The following GALNTL6 variants were observed in gnomAD, a reference collection of about 807,000 sequenced individuals.
GALNTL6 encodes polypeptide N-acetylgalactosaminyltransferase-like 6.
In GALNTL6, 46 loss-of-function variants were observed where a neutral mutation model predicts 73.7. That is an observed-to-expected ratio of 0.62 (90% CI 0.49 to 0.80). The LOEUF (loss-of-function observed/expected upper bound fraction) is 0.80. Ranked by LOEUF, GALNTL6 falls within the 30% of genes least tolerant of loss-of-function variation. The pLI, the probability that GALNTL6 is intolerant of heterozygous loss-of-function variation, is 0.00. For missense variants in GALNTL6, 604 were observed against 755.0 expected (o/e 0.80, Z 2.34); for synonymous variants, 259 against 263.7 (o/e 0.98, Z 0.17).
intron 2 of GALNTL6, among the ~76,000 whole-genome samples, chr4:172,194,415 A>G (rs1051620745): frequency 6.6e-6 from 1 of 152,334 alleles, no homozygotes; most frequent in South Asian, 2.1e-4. Flanking sequence ...CTCACCTAGC[A>G]TAACAGGACA....
intron 2 of GALNTL6, among the ~76,000 whole-genome samples, chr4:172,038,690 C>A (rs1257429731): frequency 6.6e-6 from 1 of 152,170 alleles, no homozygotes; most frequent in African/African-American, 2.4e-5. Flanking sequence ...ATTCAATTCA[C>A]AAACAGTCAG....
chr4:172,599,774 AAAGT>A, intron 5 of GALNTL6, among the ~76,000 whole-genome samples: 1 of 152,210 alleles, frequency 6.6e-6, no homozygotes, highest in East Asian at 1.9e-4. Flanking sequence ...TTTGACATTA[AAAGT>A]AAGGGGAAAA....
chr4:172,667,494 C>T (rs879348873), intron 5 of GALNTL6: 1 of 152,206 alleles, frequency 6.6e-6, no homozygotes, highest in Non-Finnish European at 1.5e-5. Context: ...GATGAATTCG[C>T]TTCCAGGCTC....
At chr4:172,546,336 A>T (rs1198519232) in intron 5 of GALNTL6, among the ~76,000 whole-genome samples, 1 of 152,162 alleles carries the variant, frequency 6.6e-6, no homozygotes, top group East Asian at 1.9e-4. Flanking sequence ...AAGGGATATG[A>T]TGTTGACAAA....
chr4:172,369,758 C>T (rs1742718490), intron 5 of GALNTL6, among the ~76,000 whole-genome samples: 1 of 152,120 alleles, frequency 6.6e-6, no homozygotes, highest in Non-Finnish European at 1.5e-5. Flanking sequence ...AGGCTGGCCA[C>T]TCTGAGTGCA....
At chr4:171,878,459 A>G (rs1284690461) in intron 2 of GALNTL6, among the ~76,000 whole-genome samples, 1 of 152,142 alleles carries the variant, frequency 6.6e-6, no homozygotes, top group Non-Finnish European at 1.5e-5. Context: ...GCTTTTTTTC[A>G]TCTATTATTA....
intron 5 of GALNTL6, among the ~76,000 whole-genome samples, chr4:172,655,472 C>A (rs1480393569): frequency 1.3e-5 from 2 of 152,166 alleles, no homozygotes; most frequent in Non-Finnish European, 2.9e-5. Context: ...GCCCCACGTC[C>A]ATCGTTTGAT....
chr4:172,481,047 G>A (rs893274211), intron 5 of GALNTL6, among the ~76,000 whole-genome samples: 2 of 152,166 alleles, frequency 1.3e-5, no homozygotes, highest in Admixed American at 6.5e-5. Flanking sequence ...TGAAGCCGTG[G>A]ACTATCGCGG....
intron 2 of GALNTL6, among the ~76,000 whole-genome samples, chr4:172,107,828 GA>G (rs143893750): frequency 0.37 from 56,562 of 151,422 alleles, 10,870 homozygotes; most frequent in Non-Finnish European, 0.4. Context: ...AAGTATAATT[GA>G]AAAAAAATAG....
intron 5 of GALNTL6, among the ~76,000 whole-genome samples, chr4:172,410,316 A>G (rs1744384638): frequency 6.6e-6 from 1 of 152,010 alleles, no homozygotes; most frequent in African/African-American, 2.4e-5. Context: ...AATTACATTC[A>G]CATTGTTGTG....
At chr4:172,047,687 T>C (rs148215429) in intron 2 of GALNTL6, among the ~76,000 whole-genome samples, 15 of 152,164 alleles carry the variant, frequency 9.9e-5, no homozygotes, top group Admixed American at 5.2e-4. Flanking sequence ...AGTTCCAAAA[T>C]ACAGAGTTAA....
intron 2 of GALNTL6, among the ~76,000 whole-genome samples, chr4:171,887,097 G>A (rs1560826858): frequency 6.6e-6 from 1 of 152,098 alleles, no homozygotes; most frequent in Non-Finnish European, 1.5e-5. Flanking sequence ...CCTGCATCTG[G>A]TAAGGGCCTT....
intron 7 of GALNTL6, among the ~76,000 whole-genome samples, chr4:172,877,386 G>A (rs1000657673): frequency 6.6e-6 from 1 of 151,848 alleles, no homozygotes; most frequent in Non-Finnish European, 1.5e-5. Context: ...CAACTCCTTA[G>A]AATACTGTAA....
At position 172,882,978 on chromosome 4, in the gene GALNTL6, G is replaced by T. The variant is rs575349980; in HGVS notation, c.1041+71G>T. 31 of 817,174 alleles carry T rather than the reference G, an allele frequency of 3.8e-5. No individual in the cohort carries two copies. The South Asian group carries it at 4.7e-4, about 12-fold the overall frequency. 50.6% of individuals were successfully genotyped at this position (817,174 alleles called of 1,614,324 possible). On this transcript the variant is annotated intron_variant, in intron 8 of 12. Transcript: ENST00000506823. The stretch of plus-strand genomic sequence containing the variant: ...AATTCTGATAGAATATCAGCATGTT[G>T]CTCTGTGACCTGTGTTCTGGGATGA...
chr4:172,658,568 G>A (rs1731208363), intron 5 of GALNTL6, among the ~76,000 whole-genome samples: 3 of 152,038 alleles, frequency 2.0e-5, no homozygotes, highest in African/African-American at 7.2e-5. Context: ...AGGGGGAAAC[G>A]GGGACAGGGA....
At chr4:171,975,201 T>C (rs1250406114) in intron 2 of GALNTL6, among the ~76,000 whole-genome samples, 2 of 152,186 alleles carry the variant, frequency 1.3e-5, no homozygotes, top group African/African-American at 4.8e-5. Context: ...TCCCATTTCC[T>C]TGAGGACAAG....
At chr4:172,914,791 A>G (rs1050560056) in intron 8 of GALNTL6, among the ~76,000 whole-genome samples, 4 of 152,208 alleles carry the variant, frequency 2.6e-5, no homozygotes, top group African/African-American at 9.7e-5. Context: ...CCCCCAAGCA[A>G]TAATAACAGG....
chr4:172,393,862 A>G (rs1743753848), intron 5 of GALNTL6, among the ~76,000 whole-genome samples: 1 of 152,098 alleles, frequency 6.6e-6, no homozygotes, highest in Non-Finnish European at 1.5e-5. Flanking sequence ...TGTCGATTTT[A>G]TTTTATATTT....
intron 10 of GALNTL6, among the ~76,000 whole-genome samples, chr4:172,959,388 AAG>A (rs200908610): frequency 0.019 from 2,839 of 152,210 alleles, 79 homozygotes; most frequent in African/African-American, 0.065. Context: ...GAGTGCTTAA[AAG>A]AGCATTGTCT....
Sources: gnomAD v4.1 joint callset for allele counts (sites outside exome capture counted in the v4.1 genomes callset) on GRCh38, gnomAD v4.1.1 for gene constraint, MANE v1.5 for transcripts, NCBI Gene and HGNC (gene_info 2026-07-23, HGNC 2026-07-21) for gene names.